Variants in LMX1A observed in about 807,000 individuals in gnomAD.
LMX1A encodes the protein LIM homeobox transcription factor 1 alpha.
Under a neutral mutation model 49.1 loss-of-function variants are expected in LMX1A, and 15 were observed. That is an observed-to-expected ratio of 0.31 (90% CI 0.20 to 0.47). LMX1A has a LOEUF of 0.47. Among genes scored for constraint, LMX1A ranks in the 20% least tolerant of loss-of-function variants. The pLI, the probability that LMX1A is intolerant of heterozygous loss-of-function variation, is 1.00. For synonymous variants in LMX1A, 167 were observed against 185.7 expected, an observed-to-expected ratio of 0.90 and a Z score of 0.82; for missense variants, 372 against 475.8, an observed-to-expected ratio of 0.78 and a Z score of 2.03.
chr1:165,296,307 G>T (rs1033106192), intron 3 of LMX1A, among the ~76,000 whole-genome samples: 1 of 152,244 alleles, frequency 6.6e-6, no homozygotes, highest in African/African-American at 2.4e-5. Flanking sequence ...AGCGAGAAGG[G>T]TGTTACAACC....
chr1:165,326,074 C>A (rs1655570305), intron 3 of LMX1A, among the ~76,000 whole-genome samples: 1 of 152,060 alleles, frequency 6.6e-6, no homozygotes, highest in African/African-American at 2.4e-5. Context: ...CCCTTCAGGC[C>A]CAGCTCTGCC....
chr1:165,223,269 A>T (rs1336603997), intron 4 of LMX1A, among the ~76,000 whole-genome samples: 1 of 152,220 alleles, frequency 6.6e-6, no homozygotes, highest in African/African-American at 2.4e-5. Flanking sequence ...TTGTAATAAA[A>T]GTGTAAGATA....
chr1:165,272,560 AG>A (rs1170933309), intron 3 of LMX1A, among the ~76,000 whole-genome samples: 1 of 152,178 alleles, frequency 6.6e-6, no homozygotes, highest in Non-Finnish European at 1.5e-5. Context: ...CTATCAACAC[AG>A]AACAATGACC....
At chr1:165,271,877 CAA>C (rs1003093602) in intron 3 of LMX1A, among the ~76,000 whole-genome samples, 1 of 152,132 alleles carries the variant, frequency 6.6e-6, no homozygotes, top group African/African-American at 2.4e-5. Flanking sequence ...AAGAATGCAC[CAA>C]AGTCTTCACT....
intron 4 of LMX1A, among the ~76,000 whole-genome samples, chr1:165,215,417 C>T (rs954961596): frequency 3.3e-5 from 5 of 152,202 alleles, no homozygotes; most frequent in African/African-American, 1.2e-4. Flanking sequence ...CAACTGCCCT[C>T]TTTTCTCTGG....
At chr1:165,237,746 C>T (rs927868211) in intron 4 of LMX1A, among the ~76,000 whole-genome samples, 39 of 152,254 alleles carry the variant, frequency 2.6e-4, no homozygotes, top group African/African-American at 8.4e-4. Flanking sequence ...GTAAACTGGA[C>T]TTTGAGGGTT....
At chr1:165,315,873 C>A (rs759808704) in intron 3 of LMX1A, among the ~76,000 whole-genome samples, 5 of 152,204 alleles carry the variant, frequency 3.3e-5, no homozygotes, top group African/African-American at 9.7e-5. Context: ...TCAAGGAACA[C>A]CTCTCTCAGC....
At chr1:165,279,222 C>G (rs1170726509) in intron 3 of LMX1A, among the ~76,000 whole-genome samples, 2 of 152,164 alleles carry the variant, frequency 1.3e-5, no homozygotes, top group Non-Finnish European at 2.9e-5. Context: ...TGCAGGGGCT[C>G]CTGTGGTTGT....
chr1:165,313,471 C>CTTTT (rs34912339), intron 3 of LMX1A, among the ~76,000 whole-genome samples: 873 of 114,336 alleles, frequency 7.6e-3, no homozygotes, highest in Non-Finnish European at 0.011. Context: ...CACCTTCTTC[C>CTTTT]TTTTTTTTTT....
intron 4 of LMX1A, among the ~76,000 whole-genome samples, chr1:165,222,017 T>C (rs1478537381): frequency 6.6e-6 from 1 of 151,874 alleles, no homozygotes; most frequent in African/African-American, 2.4e-5. Flanking sequence ...TCTTTCTCTC[T>C]CCTATCTAAT....
intron 4 of LMX1A, among the ~76,000 whole-genome samples, chr1:165,218,086 T>C (rs1651706511): frequency 6.6e-6 from 1 of 152,184 alleles, no homozygotes. Flanking sequence ...TCCAATAAAA[T>C]GTATTTCAAA....
chr1:165,305,502 AAC>A (rs986146199), intron 3 of LMX1A, among the ~76,000 whole-genome samples: 1 of 152,208 alleles, frequency 6.6e-6, no homozygotes, highest in African/African-American at 2.4e-5. Flanking sequence ...TTTTAAAATA[AAC>A]CTCTCCACTC....
intron 4 of LMX1A, among the ~76,000 whole-genome samples, chr1:165,228,632 T>C (rs1652129442): frequency 6.6e-6 from 1 of 152,226 alleles, no homozygotes; most frequent in Non-Finnish European, 1.5e-5. Context: ...GCTCAAATCA[T>C]CTTCTCACTT....
chr1:165,305,394 T>C (rs1221619671), intron 3 of LMX1A, among the ~76,000 whole-genome samples: 1 of 152,044 alleles, frequency 6.6e-6, no homozygotes, highest in African/African-American at 2.4e-5. Flanking sequence ...CCATCTGGGA[T>C]GGAATGTTCT....
chr1:165,236,855 T>TG (rs1328539925), intron 4 of LMX1A, among the ~76,000 whole-genome samples: 8 of 143,490 alleles, frequency 5.6e-5, no homozygotes, highest in Admixed American at 6.8e-5. Flanking sequence ...GTTCAAAGTT[T>TG]TTTTTTTTTT....
intron 4 of LMX1A, 38 bp from the exon 5 acceptor site, chr1:165,213,851 A>C: frequency 1.2e-6 from 2 of 1,600,724 alleles, no homozygotes; most frequent in Non-Finnish European, 8.5e-7. Flanking sequence ...AGTCCCTGAA[A>C]GCCAGTTCCT....
Position 165,355,414 on chromosome 1 carries a change from G to A in LMX1A, c.76+70C>T. Reference sequence around the variant, plus strand: ...TCCCTATCGCGGACCAGGTCCCAGAGAGCGGGGCTCCAGAGCTCAGCGCCA... The same window carrying A: ...TCCCTATCGCGGACCAGGTCCCAGAAAGCGGGGCTCCAGAGCTCAGCGCCA... On this transcript the variant is annotated intron_variant, in intron 2 of 8. Transcript: ENST00000342310. The surrounding 1 kb of genome is among the most constrained non-coding windows in gnomAD (Gnocchi z 4.7). The A allele has an allele frequency of 6.7e-7, 1 of 1,489,364 alleles. No homozygotes were observed. The highest frequency in any genetic ancestry group is 9.3e-7 in the Non-Finnish European group (1 of 1,074,064). The allele number at this position is 1,489,364 out of a possible 1,614,324, so 92.3% of individuals were successfully genotyped here.
chr1:165,247,054 CTT>C lies in LMX1A; in HGVS notation c.496+2352_496+2353del, dbSNP rs71097567. The stretch of plus-strand genomic sequence containing the variant: ...GTTACTTAGATCAGATCAGCTTTTT[CTT>C]TTTTTTTTTTTTTTTTTTTTTTTTG... On this transcript the variant is annotated intron_variant, in intron 4 of 8. Transcript: ENST00000342310. Among the ~76,000 whole-genome samples the C allele has an allele frequency of 5.9e-3, 314 of 53,172 alleles. 1 individual carries two copies. The highest frequency in any genetic ancestry group is 0.022 in the Middle Eastern group (1 of 46). 34.9% of individuals were successfully genotyped at this position (53,172 alleles called of 152,430 possible).
chr1:165,255,242 GA>G (rs1461711100), intron 3 of LMX1A, among the ~76,000 whole-genome samples: 1 of 152,192 alleles, frequency 6.6e-6, no homozygotes, highest in African/African-American at 2.4e-5. Context: ...AAAGGTCACA[GA>G]ATCTTTTGTC....
Sources: gnomAD v4.1 joint callset for allele counts (sites outside exome capture counted in the v4.1 genomes callset) on GRCh38, gnomAD v4.1.1 for gene constraint, Gnocchi (gnomAD v3.1) non-coding constraint, MANE v1.5 for transcripts, NCBI Gene and HGNC (gene_info 2026-07-23, HGNC 2026-07-21) for gene names.